Variants in C1S observed in about 807,000 individuals in gnomAD.
C1S encodes complement C1s, also known as complement C1s subcomponent.
C1S carries 31 observed loss-of-function variants against 54.0 expected under a neutral mutation model. The ratio of observed to expected loss-of-function variants is 0.57; its 90% CI spans 0.43 to 0.78. C1S has a LOEUF of 0.78. C1S is among the 30% of genes least tolerant of loss of function. The pLI is 0.00. For missense variants in C1S, 727 were observed against 851.8 expected (o/e 0.85, Z 1.82); for synonymous variants, 292 against 303.6 (o/e 0.96, Z 0.40).
intron 2 of C1S, 44 bp from the exon 3 acceptor site, chr12:7,062,431 A>T: frequency 6.9e-7 from 1 of 1,440,206 alleles, no homozygotes; most frequent in Non-Finnish European, 9.8e-7. Context: ...GTCCTAGGCT[A>T]CTGGTGCCTG....
At chr12:7,063,173 T>TA (rs1218838980) in intron 4 of C1S, 106 bp downstream of exon 4, 1 of 1,139,956 alleles carries the variant, frequency 8.8e-7, no homozygotes, top group Non-Finnish European at 1.3e-6. Flanking sequence ...GTAATTCTTA[T>TA]AAAAAGTGTT....
At chr12:7,069,800 C>A in intron 11 of C1S, 55 bp from the exon 12 acceptor site, 1 of 1,422,626 alleles carries the variant, frequency 7.0e-7, no homozygotes. Flanking sequence ...GGAGGATTTG[C>A]AGGAAGCCAG....
At chr12:7,062,286 A>AAAAAG (rs1555161359) in intron 2 of C1S, 189 bp from the exon 3 acceptor site, 4 of 563,072 alleles carry the variant, frequency 7.1e-6, no homozygotes, top group Middle Eastern at 4.8e-4. Context: ...AAAAAAAAAA[A>AAAAAG]GGGCTCTTGT....
At chr12:7,062,754 G>C (rs900850591) in intron 3 of C1S, 72 bp downstream of exon 3, 35 of 1,497,544 alleles carry the variant, frequency 2.3e-5, no homozygotes, top group Admixed American at 5.0e-5. Context: ...ATGTGGGAGG[G>C]AGTGCCACCT....
rs781925034 is a variant in C1S at position 7,069,835 on chromosome 12, G to A, written c.1271-20G>A. On this transcript the variant is annotated intron_variant, in intron 11 of 11. Transcript: ENST00000360817. ...GCATCATTTCTTCCTCCTTCCCTGT[G>A]TTGTTTTATTCCTTCCTAGTCTGTG... The A allele has an allele frequency of 1.9e-6, 3 of 1,598,734 alleles. No homozygotes were observed. The highest frequency in any genetic ancestry group is 2.6e-6 in the Non-Finnish European group (3 of 1,165,936).
At chr12:7,063,093 C>T in intron 4 of C1S, 26 bp downstream of exon 4, 3 of 1,597,128 alleles carry the variant, frequency 1.9e-6, no homozygotes, top group Non-Finnish European at 1.7e-6. Context: ...CTGCATGTGC[C>T]TTATTGACCC....
chr12:7,061,599 A>G (rs782336650), intron 1 of C1S: 2 of 459,436 alleles, frequency 4.4e-6, no homozygotes, highest in African/African-American at 2.0e-5. Flanking sequence ...TCCTTTGGAG[A>G]AAAATTAGGA....
rs191112611 is a variant in C1S, at chr12:7,066,401, C to T, written c.872-117C>T. The T allele has an allele frequency of 1.4e-3, 1,050 of 727,756 alleles. 1 individual carries two copies. Among genetic ancestry groups the T allele is most frequent in the Middle Eastern group, 6.6e-3 (27 of 4,090 alleles). 45.1% of individuals were successfully genotyped at this position (727,756 alleles called of 1,614,324 possible). A position where few individuals can be genotyped will look rare whatever the true frequency, so the allele number is the denominator to read the frequency against. ...ACATCTGCTGTATTGGAATGTTAAGCATCAGGATTGAGGACAACTGGACGA... is the reference window on the plus strand; with the variant it reads ...ACATCTGCTGTATTGGAATGTTAAGTATCAGGATTGAGGACAACTGGACGA... On this transcript the variant is annotated intron_variant, in intron 7 of 11. Transcript: ENST00000360817.
In C1S at chr12:7,067,110, A is replaced by G. The variant is rs1937687751; in HGVS notation, c.1059A>G (p.Lys353=). The G allele has an allele frequency of 4.4e-6, 7 of 1,577,634 alleles. No individual in the cohort carries two copies. The highest frequency in any genetic ancestry group is 6.1e-6 in the Non-Finnish European group (7 of 1,146,716). ...GAAAGTGGAGTAATTCCAAACTGAA[A>G]TGTCAACGTATGTGTCTCTTCAAAG... ...SNGKWSNSKL[K]CQPVDCGIPE... Residue 353 remains lysine (K), a synonymous_variant, in exon 9 of 12, where the codon AAA becomes AAG. Coordinates refer to ENST00000360817, the MANE Select transcript of C1S (RefSeq NM_001734.5).
Position 7,068,471 on chromosome 12 carries a change from C to A in C1S, c.1211C>A (p.Ala404Asp). ...GCTATTCCAGGGGAGTATCACTGTG[C>A]TGGTAACGGGAGCTGGGTGAATGAG... ...ENGGGGEYHC[A>D]GNGSWVNEVL... The change falls in exon 11 of 12, where the codon GCT becomes GAT. Residue 404 changes from alanine to aspartate, a missense_variant. This residue lies in a region of C1S where 360 missense variants were observed against 453.6 expected (regional missense o/e 0.79). Transcript: ENST00000360817. 1 of 1,613,092 alleles carries A rather than the reference C, an allele frequency of 6.2e-7. No homozygotes were observed. The highest frequency in any genetic ancestry group is 8.5e-7 in the Non-Finnish European group (1 of 1,179,170).
chr12:7,066,523 C>A lies in C1S; in HGVS notation c.877C>A (p.Pro293Thr). Residue 293 changes from proline (P) to threonine (T), a missense_variant, in exon 8 of 12, where the codon CCC (proline) becomes ACC (threonine). By Grantham distance (38) the Pro-to-Thr change is conservative. This residue lies in a region of C1S where 357 missense variants were observed against 365.4 expected (regional missense o/e 0.98). Coordinates refer to ENST00000360817, the MANE Select transcript of C1S (RefSeq NM_001734.5). ...CCAACTTCTGTTCTTTCAAGCAATGCCCTGCCCTAAGGAAGACACTCCCAA... is the reference window on the plus strand; with the variant it reads ...CCAACTTCTGTTCTTTCAAGCAATGACCTGCCCTAAGGAAGACACTCCCAA... ...WKLRYHGDPM[P>T]CPKEDTPNSV... 6.3e-7 allele frequency: 1 copy of A among 1,599,254 alleles called. No homozygotes were observed. Among genetic ancestry groups the A allele is most frequent in the Non-Finnish European group, 8.6e-7 (1 of 1,166,346 alleles).
chr12:7,064,614 A>T (rs1030776102), intron 5 of C1S, among the ~76,000 whole-genome samples: 2 of 152,076 alleles, frequency 1.3e-5, no homozygotes, highest in East Asian at 3.8e-4. Flanking sequence ...TTAGTGGTCA[A>T]TTCTGAGATT....
Position 7,065,268 on chromosome 12 carries a change from A to G in C1S, c.686A>G (p.Asp229Gly). 1 of 1,614,030 alleles carries G rather than the reference A, an allele frequency of 6.2e-7. No individual in the cohort carries two copies. Among genetic ancestry groups the G allele is most frequent in the Non-Finnish European group, 8.5e-7 (1 of 1,179,898 alleles). ...RREDFDVEAADSAGNCLDSLV... is the reference protein window; with the variant it reads ...RREDFDVEAAGSAGNCLDSLV... ...GAAGATTTTGATGTGGAAGCAGCTG[A>G]CTCAGCGGGAAACTGCCTTGACAGT... The change falls in exon 6 of 12, where the codon GAC becomes GGC. Residue 229 changes from aspartate to glycine, a missense_variant. Transcript: ENST00000360817.
At chr12:7,068,556 A>G in intron 11 of C1S, 26 bp downstream of exon 11, 1 of 1,540,802 alleles carries the variant, frequency 6.5e-7, no homozygotes. Context: ...GCTTGGGGAG[A>G]GATGATAGCC....
chr12:7,065,722 G>A, intron 6 of C1S, 95 bp from the exon 7 acceptor site: 1 of 1,031,994 alleles, frequency 9.7e-7, no homozygotes, highest in Non-Finnish European at 1.5e-6. Flanking sequence ...TATTTTATGT[G>A]ACATTTAATG....
chr12:7,062,082 C>T (rs1947097276), intron 2 of C1S, 165 bp downstream of exon 2: 2 of 691,576 alleles, frequency 2.9e-6, no homozygotes, highest in South Asian at 3.1e-5. Context: ...CCAGCCTGGG[C>T]AACATAAGGA....
At chr12:7,062,720 T>G in intron 3 of C1S, 38 bp downstream of exon 3, 2 of 1,589,122 alleles carry the variant, frequency 1.3e-6, no homozygotes, top group Non-Finnish European at 1.7e-6. Context: ...GATGGAAGAC[T>G]AGGGCTAAGG....
rs1555162895 is a variant in C1S, at chr12:7,069,876, C to T, written c.1292C>T (p.Pro431Leu). 2 of 1,614,036 alleles carry T rather than the reference C, an allele frequency of 1.2e-6. No homozygotes were observed. The highest frequency in any genetic ancestry group is 2.2e-5 in the East Asian group (1 of 44,882). ...CTAGTCTGTGGAGTCCCCAGAGAAC[C>T]CTTTGAAGAAAAACAGAGGATAATT... is the stretch of plus-strand genomic sequence containing the variant. ...CVPVCGVPRE[P>L]FEEKQRIIGG... The change falls in exon 12 of 12, where the codon CCC (proline) becomes CTC (leucine). Residue 431 changes from proline to leucine, a missense_variant. This residue lies in a region of C1S where 360 missense variants were observed against 453.6 expected (regional missense o/e 0.79). Transcript: ENST00000360817.
At position 7,065,218 on chromosome 12, in the gene C1S, C is replaced by T. The variant is rs372949554; in HGVS notation, c.636C>T (p.Phe212=). 2.5e-6 allele frequency: 4 copies of T among 1,613,894 alleles called. No homozygotes were observed. In the African/African-American group the frequency reaches 4.0e-5, roughly 16 times the overall value. ...CEYQIRLEKG[F]QVVVTLRRED... ...ACCAGATCCGGTTGGAGAAAGGGTTCCAAGTGGTGGTGACCTTGCGGAGAG... is the reference window on the plus strand; with the variant it reads ...ACCAGATCCGGTTGGAGAAAGGGTTTCAAGTGGTGGTGACCTTGCGGAGAG... The change falls in exon 6 of 12, where the codon TTC becomes TTT. Residue 212 remains phenylalanine, a synonymous_variant. Transcript: ENST00000360817.
Sources: allele counts gnomAD v4.1 joint callset (sites outside exome capture counted in the v4.1 genomes callset), GRCh38; gene constraint gnomAD v4.1.1; regional missense constraint gnomAD v4.1.1; transcripts MANE v1.5; gene names NCBI Gene and HGNC (gene_info 2026-07-23, HGNC 2026-07-21).